Variants in WNK2 observed in about 807,000 individuals in gnomAD.
WNK2 encodes the protein serine/threonine-protein kinase WNK2.
In WNK2, 67 loss-of-function variants were observed where a neutral mutation model predicts 192.1. The ratio of observed to expected loss-of-function variants is 0.35; its 90% CI spans 0.29 to 0.43. The LOEUF (loss-of-function observed/expected upper bound fraction) is 0.43, where lower values mean the gene tolerates loss of function less well. Ranked by LOEUF, WNK2 falls within the 20% of genes least tolerant of loss-of-function variation. The probability of loss-of-function intolerance (pLI) is 1.00; values close to 1 mark genes in which losing one functional copy is unlikely to be tolerated. For synonymous variants in WNK2, 1,439 were observed against 1,393.9 expected (o/e 1.03, Z -0.72); for missense variants, 2,698 against 3,089.7 (o/e 0.87, Z 3.01).
At chr9:93,190,456 C>T (rs2130959715) in intron 2 of WNK2, among the ~76,000 whole-genome samples, 1 of 152,370 alleles carries the variant, frequency 6.6e-6, no homozygotes, top group Admixed American at 6.5e-5. Context: ...CTCGAGCGTA[C>T]CTGTGCTGCT....
chr9:93,292,686 C>A lies in WNK2; in HGVS notation c.5221C>A (p.Pro1741Thr), dbSNP rs762017976. 6.4e-7 allele frequency: 1 copy of A among 1,572,460 alleles called. No individual in the cohort carries two copies. Among genetic ancestry groups the A allele is most frequent in the Non-Finnish European group, 8.6e-7 (1 of 1,160,476 alleles). The change falls in exon 23 of 30, where the codon CCA becomes ACA. Residue 1741 changes from proline to threonine, a missense_variant. Coordinates refer to ENST00000427277, the MANE Select transcript of WNK2 (RefSeq NM_006648.4). ...KRPEQQDVSSPAKTVGRFSVV... is the reference protein window; with the variant it reads ...KRPEQQDVSSTAKTVGRFSVV... ...TCCAGAGCAGCAGGATGTCAGCTCACCAGCCAAGACTGTGGGCCGTTTCTC... is the reference window on the plus strand; with the variant it reads ...TCCAGAGCAGCAGGATGTCAGCTCAACAGCCAAGACTGTGGGCCGTTTCTC...
chr9:93,246,700 G>A (rs781097386), intron 7 of WNK2, among the ~76,000 whole-genome samples: 19 of 152,146 alleles, frequency 1.2e-4, no homozygotes, highest in African/African-American at 2.2e-4. Context: ...GCACTGCCCC[G>A]AAGCCAGGAT....
At chr9:93,237,748 C>T (rs966795302) in intron 5 of WNK2, among the ~76,000 whole-genome samples, 1 of 152,224 alleles carries the variant, frequency 6.6e-6, no homozygotes, top group African/African-American at 2.4e-5. Flanking sequence ...CTGCCTGCAG[C>T]TCCCTGTGGT....
chr9:93,291,323 A>G (rs1849309609), intron 21 of WNK2, among the ~76,000 whole-genome samples: 1 of 152,176 alleles, frequency 6.6e-6, no homozygotes. Flanking sequence ...CTTGCAAATG[A>G]TATAACTTGT....
rs1564229739 is a variant in WNK2 at position 93,308,583 on chromosome 9, C to T, written c.6515C>T (p.Ala2172Val). 3.7e-6 allele frequency: 3 copies of T among 817,354 alleles called. No individual in the cohort carries two copies. Among genetic ancestry groups the T allele is most frequent in the Non-Finnish European group, 5.7e-6 (3 of 530,506 alleles). 50.6% of individuals were successfully genotyped at this position (817,354 alleles called of 1,614,324 possible). ...AGWAAPGEAR[A>V]MTAPRAGVGM... ...TGGGCTGCCCCTGGCGAGGCGCGGG[C>T]TGTGAGTGCGGGGCGGGTGGGGCGG... The change falls in exon 28 of 30, where the codon GCT (alanine) becomes GTT (valine). Residue 2172 changes from alanine (A) to valine (V), a missense_variant and splice_region_variant. Physicochemically the swap from Ala to Val is moderately conservative, Grantham distance 64 (BLOSUM62 0). Coordinates refer to ENST00000427277, the MANE Select transcript of WNK2 (RefSeq NM_006648.4).
At chr9:93,238,137 C>A in intron 5 of WNK2, 96 bp from the exon 6 acceptor site, 1 of 1,078,140 alleles carries the variant, frequency 9.3e-7, no homozygotes. Context: ...TGCCCGTGTC[C>A]TGCCGTGGCT....
At chr9:93,314,226 G>A (rs1458194504) in intron 28 of WNK2, among the ~76,000 whole-genome samples, 5 of 152,214 alleles carry the variant, frequency 3.3e-5, no homozygotes, top group African/African-American at 1.2e-4. Context: ...AGGTTGCAGT[G>A]AGCCGAGATT....
chr9:93,268,645 G>A lies in WNK2; in HGVS notation c.3932G>A (p.Arg1311Lys). Reference protein sequence around the residue: ...YQQNVLHTGKRWFIICPVAEH... With the variant: ...YQQNVLHTGKKWFIICPVAEH... ...CCTTCAGTCCTGCACACCGGGAAGA[G>A]GTGGTTCATCATCTGTCCGGTGGCT... The change falls in exon 19 of 30, where the codon AGG becomes AAG. Residue 1311 changes from arginine to lysine, a missense_variant. By Grantham distance (26) the Arg-to-Lys change is conservative (BLOSUM62 2). Coordinates refer to ENST00000427277, the MANE Select transcript of WNK2 (RefSeq NM_006648.4). 6.2e-7 allele frequency: 1 copy of A among 1,613,308 alleles called. No homozygotes were observed. The highest frequency in any genetic ancestry group is 8.5e-7 in the Non-Finnish European group (1 of 1,179,752).
chr9:93,291,697 G>A (rs1564183389), intron 21 of WNK2, among the ~76,000 whole-genome samples: 1 of 152,196 alleles, frequency 6.6e-6, no homozygotes, highest in Non-Finnish European at 1.5e-5. Flanking sequence ...TCCCCACGGC[G>A]CATAGGTCTG....
At chr9:93,318,427 C>T (rs1440937206) in intron 29 of WNK2, 1 of 1,614,078 alleles carries the variant, frequency 6.2e-7, no homozygotes, top group Admixed American at 1.7e-5. Context: ...CGGCGGGACG[C>T]TGGGGCAGGG....
chr9:93,312,727 C>T (rs755375559), intron 28 of WNK2, among the ~76,000 whole-genome samples: 2 of 152,144 alleles, frequency 1.3e-5, no homozygotes, highest in African/African-American at 4.8e-5. Flanking sequence ...TCCCAGCAGA[C>T]GTTGTTGAAA....
chr9:93,218,659 A>C (rs1836230689), intron 2 of WNK2, among the ~76,000 whole-genome samples: 1 of 152,172 alleles, frequency 6.6e-6, no homozygotes, highest in Non-Finnish European at 1.5e-5. Flanking sequence ...GTCAGGAAGT[A>C]ACATCAGTGT....
intron 16 of WNK2, 134 bp downstream of exon 16, chr9:93,264,167 G>A (rs989253145): frequency 5.8e-6 from 4 of 684,908 alleles, no homozygotes; most frequent in Non-Finnish European, 1.0e-5. Flanking sequence ...TTTCGGGACA[G>A]TGCTGACCTT....
At chr9:93,221,318 G>A (rs950835312) in intron 2 of WNK2, among the ~76,000 whole-genome samples, 1 of 152,212 alleles carries the variant, frequency 6.6e-6, no homozygotes, top group Non-Finnish European at 1.5e-5. Flanking sequence ...ACCTAGAGGA[G>A]TCCCTGGCAT....
At chr9:93,318,179 A>G in intron 29 of WNK2, 8 of 1,493,726 alleles carry the variant, frequency 5.4e-6, no homozygotes, top group Non-Finnish European at 6.2e-6. Flanking sequence ...TTATCGGAAA[A>G]GGTTTCATTT....
intron 19 of WNK2, among the ~76,000 whole-genome samples, chr9:93,272,256 T>C (rs771172957): frequency 1.3e-5 from 2 of 152,130 alleles, no homozygotes; most frequent in Non-Finnish European, 2.9e-5. Flanking sequence ...TTTCTGACAA[T>C]TGAAGTAAAA....
chr9:93,262,574 G>A, intron 13 of WNK2, 96 bp from the exon 14 acceptor site: 8 of 1,349,892 alleles, frequency 5.9e-6, no homozygotes, highest in Non-Finnish European at 7.3e-6. Context: ...GCTGGGCTGA[G>A]GAAGTGGGGA....
chr9:93,314,116 CAA>C lies in WNK2; in HGVS notation c.6517-3389_6517-3388del, dbSNP rs76294885. 3.2e-3 allele frequency among the ~76,000 whole-genome samples: 298 copies of C among 93,364 alleles called. 1 individual carries two copies. Among genetic ancestry groups the C allele is most frequent in the East Asian group, 0.017 (56 of 3,366 alleles). 61.3% of individuals were successfully genotyped at this position (93,364 alleles called of 152,430 possible). A position where few individuals can be genotyped will look rare whatever the true frequency, so the allele number is the denominator to read the frequency against. On this transcript the variant is annotated intron_variant, in intron 28 of 29. Coordinates refer to ENST00000427277, the MANE Select transcript of WNK2 (RefSeq NM_006648.4). Reference sequence around the variant, plus strand: ...TGAAACCCTGTCTCTACTAAAAGTACAAAAAAAAAAAAAAAATTAGCCCAGCA... The same window carrying C: ...TGAAACCCTGTCTCTACTAAAAGTACAAAAAAAAAAAAAATTAGCCCAGCA...
At chr9:93,233,469 G>A (rs1169113899) in intron 4 of WNK2, among the ~76,000 whole-genome samples, 2 of 152,092 alleles carry the variant, frequency 1.3e-5, no homozygotes, top group Non-Finnish European at 2.9e-5. Flanking sequence ...GCTGAGGCGG[G>A]CGGATCATTT....
Sources: gnomAD v4.1 joint callset for allele counts (sites outside exome capture counted in the v4.1 genomes callset) on GRCh38, gnomAD v4.1.1 for gene constraint, MANE v1.5 for transcripts, NCBI Gene and HGNC (gene_info 2026-07-23, HGNC 2026-07-21) for gene names.